Variants in LRBA observed in about 807,000 individuals in gnomAD.
LRBA encodes the protein LPS responsive beige-like anchor protein, also known as lipopolysaccharide-responsive and beige-like anchor protein.
Under a neutral mutation model 330.0 loss-of-function variants are expected in LRBA, and 176 were observed. That is an observed-to-expected ratio of 0.53 (90% CI 0.47 to 0.60). The LOEUF is 0.60. Among genes scored for constraint, LRBA ranks in the 20% least tolerant of loss-of-function variants. The probability of loss-of-function intolerance (pLI) is 0.00; values close to 1 mark genes in which losing one functional copy is unlikely to be tolerated. For synonymous variants in LRBA, 1,230 were observed against 1,193.0 expected, an observed-to-expected ratio of 1.03 and a Z score of -0.64; for missense variants, 3,259 against 3,444.8, an observed-to-expected ratio of 0.95 and a Z score of 1.35.
intron 42 of LRBA, among the ~76,000 whole-genome samples, chr4:150,478,759 C>T (rs1306825633): frequency 6.6e-6 from 1 of 152,182 alleles, no homozygotes; most frequent in Non-Finnish European, 1.5e-5. Context: ...CAAATCAAAA[C>T]TTAAAAGTCA....
At position 150,952,823 on chromosome 4, in the gene LRBA, C is replaced by T. The variant is rs139620714; in HGVS notation, c.217-23758G>A. Among the ~76,000 whole-genome samples, 4 of 152,276 alleles carry T rather than the reference C, an allele frequency of 2.6e-5. No homozygotes were observed. The East Asian group carries it at 5.8e-4, about 22-fold the overall frequency. ...GAATGTCTTCCTCCCGGAGCACAGA[C>T]GGAAGCATGGGCCTTGACCTCCTCC... is the stretch of plus-strand genomic sequence containing the variant. On this transcript the variant is annotated intron_variant, in intron 2 of 56. Transcript: ENST00000651943.
chr4:150,288,604 T>C (rs1432279753), intron 53 of LRBA, among the ~76,000 whole-genome samples: 1 of 152,018 alleles, frequency 6.6e-6, no homozygotes, highest in African/African-American at 2.4e-5. Flanking sequence ...AATAATAAAA[T>C]AAGAAGTTAT....
chr4:150,278,953 C>A (rs944892656), intron 55 of LRBA, among the ~76,000 whole-genome samples: 1 of 151,912 alleles, frequency 6.6e-6, no homozygotes, highest in African/African-American at 2.4e-5. Context: ...ACCTCCTGAG[C>A]AGTTGGGATT....
At chr4:150,304,915 C>T (rs1233054663) in intron 52 of LRBA, among the ~76,000 whole-genome samples, 1 of 152,134 alleles carries the variant, frequency 6.6e-6, no homozygotes, top group African/African-American at 2.4e-5. Flanking sequence ...ATATATACAT[C>T]ATACATCATG....
At chr4:150,449,097 G>T (rs1753026361) in intron 44 of LRBA, among the ~76,000 whole-genome samples, 1 of 152,054 alleles carries the variant, frequency 6.6e-6, no homozygotes, top group Admixed American at 6.6e-5. Flanking sequence ...TCCTTAAGCT[G>T]ATGGGAGAGG....
At chr4:150,573,471 GA>G (rs33975546) in intron 40 of LRBA, among the ~76,000 whole-genome samples, 9,219 of 152,144 alleles carry the variant, frequency 0.061, 456 homozygotes, top group East Asian at 0.18. Context: ...CCATAACACA[GA>G]AGTAAAAATA....
At chr4:150,922,722 T>G (rs897193800) in intron 4 of LRBA, among the ~76,000 whole-genome samples, 4 of 151,988 alleles carry the variant, frequency 2.6e-5, no homozygotes, top group African/African-American at 9.7e-5. Context: ...CTAAAGAACT[T>G]ACTCATGTAA....
intron 34 of LRBA, among the ~76,000 whole-genome samples, chr4:150,780,973 G>A (rs929404921): frequency 3.9e-5 from 6 of 152,026 alleles, no homozygotes; most frequent in African/African-American, 7.2e-5. Flanking sequence ...TTCACCTCCC[G>A]GGTTCATGCC....
At chr4:150,274,852 G>T (rs1021575263) in intron 56 of LRBA, among the ~76,000 whole-genome samples, 1 of 152,070 alleles carries the variant, frequency 6.6e-6, no homozygotes, top group African/African-American at 2.4e-5. Context: ...TCTACCAGAG[G>T]TACAAAAAGG....
rs1756712339 is a variant in LRBA, at chr4:150,476,435, C to T, written c.6552-4696G>A. On this transcript the variant is annotated intron_variant, in intron 42 of 56. Coordinates refer to ENST00000651943, the MANE Select transcript of LRBA (RefSeq NM_001364905.1). Reference sequence around the variant, plus strand: ...TGTGAGGACAAAAAGAAAGATGCCCCCAAACCCAGGCACTCTCTAGGTTCT... The same window carrying T: ...TGTGAGGACAAAAAGAAAGATGCCCTCAAACCCAGGCACTCTCTAGGTTCT... Among the ~76,000 whole-genome samples the T allele has an allele frequency of 6.6e-5, 10 of 152,104 alleles. No individual in the cohort carries two copies. The South Asian group carries it at 2.1e-3, about 32-fold the overall frequency.
intron 35 of LRBA, among the ~76,000 whole-genome samples, chr4:150,752,083 T>C (rs903826355): frequency 6.6e-6 from 1 of 152,210 alleles, no homozygotes; most frequent in Non-Finnish European, 1.5e-5. Flanking sequence ...TTGGCAATCC[T>C]TCTAAATATA....
chr4:150,456,671 T>C (rs1021895016), intron 44 of LRBA, among the ~76,000 whole-genome samples: 5 of 152,160 alleles, frequency 3.3e-5, no homozygotes, highest in African/African-American at 1.2e-4. Flanking sequence ...AGAAGCCTTT[T>C]TAACTTGATG....
chr4:150,960,154 T>C (rs985108867), intron 2 of LRBA, among the ~76,000 whole-genome samples: 1 of 149,068 alleles, frequency 6.7e-6, no homozygotes, highest in Admixed American at 6.6e-5. Flanking sequence ...AAAATATATA[T>C]AATATCATCA....
At chr4:150,827,799 A>G (rs1411255777) in intron 30 of LRBA, among the ~76,000 whole-genome samples, 1 of 151,804 alleles carries the variant, frequency 6.6e-6, no homozygotes, top group African/African-American at 2.4e-5. Flanking sequence ...ACTGGGTTTC[A>G]CCATGTTGGT....
intron 22 of LRBA, among the ~76,000 whole-genome samples, chr4:150,861,625 C>T (rs1011444004): frequency 6.6e-6 from 1 of 152,128 alleles, no homozygotes; most frequent in African/African-American, 2.4e-5. Context: ...GTCTAGTACA[C>T]TACAGAAGAC....
chr4:150,292,061 C>G (rs555612008), intron 53 of LRBA, among the ~76,000 whole-genome samples: 1 of 152,154 alleles, frequency 6.6e-6, no homozygotes, highest in Non-Finnish European at 1.5e-5. Flanking sequence ...AATATTTTAA[C>G]ACCACTTGGC....
intron 41 of LRBA, among the ~76,000 whole-genome samples, 153 bp from the exon 42 acceptor site, chr4:150,487,987 A>C (rs2152093647): frequency 6.6e-6 from 1 of 151,828 alleles, no homozygotes; most frequent in East Asian, 1.9e-4. Context: ...ATCAAGTTTT[A>C]GTATTAATAT....
At chr4:150,465,725 T>A (rs575820859) in intron 44 of LRBA, among the ~76,000 whole-genome samples, 9 of 152,142 alleles carry the variant, frequency 5.9e-5, no homozygotes, top group Non-Finnish European at 1.3e-4. Flanking sequence ...CTACAAATTC[T>A]TGATATTAAT....
At chr4:150,489,131 A>ATATATAATATAAAATATATAAGAC (rs1561249393) in intron 41 of LRBA, among the ~76,000 whole-genome samples, 1 of 99,440 alleles carries the variant, frequency 1.0e-5, no homozygotes, top group Non-Finnish European at 1.9e-5. Flanking sequence ...ATATATAAGA[A>ATATATAATATAAAATATATAAGAC]TATATAATAT....
Sources: gnomAD v4.1 joint callset for allele counts (sites outside exome capture counted in the v4.1 genomes callset) on GRCh38, gnomAD v4.1.1 for gene constraint, MANE v1.5 for transcripts, NCBI Gene and HGNC (gene_info 2026-07-23, HGNC 2026-07-21) for gene names.